TAS2R1: variants seen among roughly 807,000 people sequenced by gnomAD.
TAS2R1 encodes the protein taste 2 receptor member 1.
For synonymous variants in TAS2R1, 141 were observed against 134.2 expected, an observed-to-expected ratio of 1.05 and a Z score of -0.35; for missense variants, 370 against 353.4, an observed-to-expected ratio of 1.05 and a Z score of -0.38.
At chr5:9,885,445 A>G in the TAS2R1 span, among the ~76,000 whole-genome samples, 1 of 152,242 alleles carries the variant, frequency 6.6e-6, no homozygotes, top group Admixed American at 6.5e-5. Context: ...TATTTAGTGT[A>G]ATGGAATCCA....
chr5:9,776,876 C>T, the TAS2R1 span, among the ~76,000 whole-genome samples: 1 of 152,148 alleles, frequency 6.6e-6, no homozygotes. Context: ...TAAAGTGAGT[C>T]ATATGAATTT....
At chr5:9,804,421 T>C in the TAS2R1 span, among the ~76,000 whole-genome samples, 5 of 152,064 alleles carry the variant, frequency 3.3e-5, no homozygotes, top group African/African-American at 1.2e-4. Flanking sequence ...GAACATTCTA[T>C]CCAACAACTG....
chr5:9,852,332 A>T, the TAS2R1 span, among the ~76,000 whole-genome samples: 1 of 151,998 alleles, frequency 6.6e-6, no homozygotes, highest in South Asian at 2.1e-4. Flanking sequence ...TGTAGATCAC[A>T]AGAGTGTCCA....
the TAS2R1 span, among the ~76,000 whole-genome samples, chr5:9,875,486 C>A: frequency 6.6e-6 from 1 of 152,194 alleles, no homozygotes; most frequent in Non-Finnish European, 1.5e-5. Flanking sequence ...GAACAGCATG[C>A]AGACACTCAC....
intron 1 of TAS2R1, among the ~76,000 whole-genome samples, chr5:9,710,213 A>G (rs1170844417): frequency 7.2e-5 from 11 of 152,178 alleles, no homozygotes; most frequent in Admixed American, 6.5e-4. Flanking sequence ...TCTTTATGAG[A>G]GCATGCACTC....
At chr5:9,829,947 T>C in the TAS2R1 span, among the ~76,000 whole-genome samples, 1 of 152,284 alleles carries the variant, frequency 6.6e-6, no homozygotes, top group South Asian at 2.1e-4. Flanking sequence ...CCTCTAAGAA[T>C]ACCTCAGGAC....
chr5:9,666,849 T>C lies in TAS2R1; in HGVS notation c.-241-7268A>G, dbSNP rs1034285729. ...ATTCTATTATATACTATCCCAAGTG[T>C]ATCCCACCTAAAATAAAATGATATG... On this transcript the variant is annotated intron_variant, in intron 1 of 2. Coordinates refer to the TAS2R1 transcript ENST00000506620. Among the ~76,000 whole-genome samples, 6 of 152,168 alleles carry C rather than the reference T, an allele frequency of 3.9e-5. No individual in the cohort carries two copies. The East Asian group carries it at 7.7e-4, about 20-fold the overall frequency.
At chr5:9,826,422 T>C in the TAS2R1 span, among the ~76,000 whole-genome samples, 2 of 152,290 alleles carry the variant, frequency 1.3e-5, no homozygotes, top group Non-Finnish European at 1.5e-5. Context: ...GATCCCAGGG[T>C]TAAAACAACG....
At chr5:9,833,199 CTT>C in the TAS2R1 span, among the ~76,000 whole-genome samples, 5 of 152,130 alleles carry the variant, frequency 3.3e-5, no homozygotes, top group African/African-American at 7.2e-5. Flanking sequence ...AGAGAGATGA[CTT>C]TGAGTTCTGT....
the TAS2R1 span, among the ~76,000 whole-genome samples, chr5:9,765,193 A>G: frequency 6.6e-6 from 1 of 152,188 alleles, no homozygotes; most frequent in Non-Finnish European, 1.5e-5. Context: ...TGGCTCTTCT[A>G]TAATAATAAA....
At chr5:9,708,999 A>G (rs1441194935) in intron 1 of TAS2R1, among the ~76,000 whole-genome samples, 1 of 152,118 alleles carries the variant, frequency 6.6e-6, no homozygotes, top group African/African-American at 2.4e-5. Flanking sequence ...CGAAGAAACC[A>G]GGGAAGTGAG....
the TAS2R1 span, among the ~76,000 whole-genome samples, chr5:9,766,432 G>T: frequency 1.3e-5 from 2 of 152,222 alleles, no homozygotes; most frequent in Admixed American, 1.3e-4. Context: ...CAAAAATGCT[G>T]GAAGAAGGTA....
intron 2 of TAS2R1, chr5:9,659,318 A>T (rs1335395046): frequency 6.6e-6 from 1 of 152,090 alleles, no homozygotes; most frequent in East Asian, 1.9e-4. Context: ...TTCTGAAAAG[A>T]TGCTTTCACA....
intron 2 of TAS2R1, among the ~76,000 whole-genome samples, chr5:9,644,761 C>T (rs1740155520): frequency 1.3e-5 from 2 of 152,128 alleles, no homozygotes; most frequent in Admixed American, 6.6e-5. Context: ...TTTGTGCATT[C>T]GTGTCACTTC....
chr5:9,868,190 GC>G, the TAS2R1 span, among the ~76,000 whole-genome samples: 1 of 152,204 alleles, frequency 6.6e-6, no homozygotes, highest in Non-Finnish European at 1.5e-5. Flanking sequence ...GCTCCACTAG[GC>G]AGTGCTCCAG....
intron 1 of TAS2R1, among the ~76,000 whole-genome samples, chr5:9,705,086 A>G (rs549123350): frequency 6.6e-6 from 1 of 152,378 alleles, no homozygotes; most frequent in South Asian, 2.1e-4. Context: ...TAATTGAAAT[A>G]AATGTATACG....
At chr5:9,886,705 A>G in the TAS2R1 span, among the ~76,000 whole-genome samples, 1 of 152,146 alleles carries the variant, frequency 6.6e-6, no homozygotes, top group African/African-American at 2.4e-5. Flanking sequence ...AATACTATCT[A>G]TACATTTCAA....
chr5:9,752,478 C>T, the TAS2R1 span, among the ~76,000 whole-genome samples: 3 of 152,120 alleles, frequency 2.0e-5, no homozygotes, highest in Admixed American at 6.6e-5. Flanking sequence ...GCTATCTGGC[C>T]GTCTAGCCTG....
chr5:9,668,819 A>G (rs1397137896), intron 1 of TAS2R1, among the ~76,000 whole-genome samples: 3 of 152,140 alleles, frequency 2.0e-5, no homozygotes, highest in Non-Finnish European at 2.9e-5. Flanking sequence ...ACTTAAGTAC[A>G]AAGACCATCA....
Sources: allele counts gnomAD v4.1 joint callset (sites outside exome capture counted in the v4.1 genomes callset), GRCh38; gene constraint gnomAD v4.1.1; transcripts MANE v1.5; gene names NCBI Gene and HGNC (gene_info 2026-07-23, HGNC 2026-07-21).